MACROD2: variants seen among roughly 807,000 people sequenced by gnomAD.
MACROD2 encodes the protein mono-ADP ribosylhydrolase 2, also known as ADP-ribose glycohydrolase MACROD2.
Under a neutral mutation model 70.4 loss-of-function variants are expected in MACROD2, and 36 were observed. The observed-to-expected ratio is 0.51, with a 90% CI of 0.39 to 0.68. The LOEUF (loss-of-function observed/expected upper bound fraction) is 0.68. MACROD2 is among the 30% of genes least tolerant of loss of function. The pLI is 0.00. For missense variants in MACROD2, 496 were observed against 538.4 expected (o/e 0.92, Z 0.78); for synonymous variants, 172 against 178.8 (o/e 0.96, Z 0.30).
intron 5 of MACROD2, among the ~76,000 whole-genome samples, chr20:14,734,520 AAAAAAC>A (rs1044637674): frequency 1.5e-5 from 2 of 134,194 alleles, no homozygotes; most frequent in Admixed American, 8.1e-5. Flanking sequence ...AAAAAAACAA[AAAAAAC>A]AAAAACAAAA....
At chr20:15,371,105 T>C (rs1410681656) in intron 6 of MACROD2, among the ~76,000 whole-genome samples, 1 of 152,150 alleles carries the variant, frequency 6.6e-6, no homozygotes, top group Non-Finnish European at 1.5e-5. Context: ...TCAGTGCTTT[T>C]ATAATATTCA....
chr20:14,866,869 G>A (rs2073433512), intron 5 of MACROD2, among the ~76,000 whole-genome samples: 1 of 152,128 alleles, frequency 6.6e-6, no homozygotes, highest in Non-Finnish European at 1.5e-5. Context: ...AGGTTAAGGT[G>A]TTAATGCAAC....
At position 15,232,313 on chromosome 20, in the gene MACROD2, A is replaced by G. The variant is rs186817992; in HGVS notation, c.540+2252A>G. ...GATGGTAGACATGGTTGATATAAAA[A>G]GCCTGGTTATTAGGATGAAAAATAA... On this transcript the variant is annotated intron_variant, in intron 6 of 17. Transcript: ENST00000684519. 7.9e-5 allele frequency among the ~76,000 whole-genome samples: 12 copies of G among 152,214 alleles called. No individual in the cohort carries two copies. The East Asian group carries it at 2.3e-3, about 29-fold the overall frequency.
rs2076881501 is a variant in MACROD2 at position 15,223,794 on chromosome 20, T to C, written c.419-6146T>C. Among the ~76,000 whole-genome samples, 4 of 152,180 alleles carry C rather than the reference T, an allele frequency of 2.6e-5. No individual in the cohort carries two copies. The South Asian group carries it at 8.3e-4, about 32-fold the overall frequency. ...GATATGTTCAAAATTTTTTTACTGC[T>C]CTTCCCATCAAGAGGTGAGGTCTAG... is the stretch of plus-strand genomic sequence containing the variant. On this transcript the variant is annotated intron_variant, in intron 5 of 17. Transcript: ENST00000684519.
At chr20:15,949,951 C>T (rs1053977946) in intron 12 of MACROD2, among the ~76,000 whole-genome samples, 2 of 152,110 alleles carry the variant, frequency 1.3e-5, no homozygotes, top group Non-Finnish European at 2.9e-5. Flanking sequence ...ATCTCTGACT[C>T]ATATTTTTAA....
intron 8 of MACROD2, among the ~76,000 whole-genome samples, chr20:15,707,613 G>A (rs111989443): frequency 8.0e-4 from 122 of 152,110 alleles, no homozygotes; most frequent in African/African-American, 2.8e-3. Context: ...GGGAAACCCC[G>A]TCTCTACAAA....
chr20:15,213,896 T>G (rs186759980), intron 5 of MACROD2, among the ~76,000 whole-genome samples: 51 of 152,046 alleles, frequency 3.4e-4, no homozygotes, highest in African/African-American at 1.2e-3. Context: ...ATTTTCTGTT[T>G]TCTTTTTTTT....
chr20:14,875,734 G>A (rs1055662213), intron 5 of MACROD2, among the ~76,000 whole-genome samples: 4 of 152,164 alleles, frequency 2.6e-5, no homozygotes, highest in African/African-American at 9.6e-5. Flanking sequence ...GGAACATGCA[G>A]TATTTTGTTT....
At chr20:14,777,358 A>G (rs2072246830) in intron 5 of MACROD2, among the ~76,000 whole-genome samples, 1 of 151,980 alleles carries the variant, frequency 6.6e-6, no homozygotes, top group Non-Finnish European at 1.5e-5. Context: ...AGCTCTACTA[A>G]GGGCTGGTTC....
At chr20:14,853,163 G>C (rs1313328672) in intron 5 of MACROD2, among the ~76,000 whole-genome samples, 1 of 93,792 alleles carries the variant, frequency 1.1e-5, no homozygotes, top group Non-Finnish European at 2.6e-5. Flanking sequence ...AACAGTGTGT[G>C]TGTGTGTGTC....
chr20:16,043,333 AC>A (rs1377420852), intron 16 of MACROD2, among the ~76,000 whole-genome samples: 2 of 152,008 alleles, frequency 1.3e-5, no homozygotes, highest in African/African-American at 4.8e-5. Context: ...CCAAGTCCTG[AC>A]CATTCTGAGT....
At chr20:14,893,251 G>A (rs1372613013) in intron 5 of MACROD2, 1 of 152,138 alleles carries the variant, frequency 6.6e-6, no homozygotes, top group East Asian at 1.9e-4. Context: ...TAATGCTGTA[G>A]TGAACATGGA....
At chr20:15,781,396 G>A (rs2051828492) in intron 8 of MACROD2, among the ~76,000 whole-genome samples, 1 of 152,136 alleles carries the variant, frequency 6.6e-6, no homozygotes, top group African/African-American at 2.4e-5. Flanking sequence ...AAATGTCTGT[G>A]CTGTTATAAC....
At chr20:15,612,651 A>G (rs958487751) in intron 8 of MACROD2, among the ~76,000 whole-genome samples, 1 of 152,260 alleles carries the variant, frequency 6.6e-6, no homozygotes, top group African/African-American at 2.4e-5. Context: ...ATGGAATTAG[A>G]GTCACAGACG....
intron 7 of MACROD2, among the ~76,000 whole-genome samples, chr20:15,463,209 A>G (rs369299339): frequency 5.3e-5 from 8 of 152,190 alleles, no homozygotes; most frequent in African/African-American, 1.9e-4. Flanking sequence ...GTCAATGCCA[A>G]CAGGAGGAAT....
intron 3 of MACROD2, among the ~76,000 whole-genome samples, chr20:14,392,775 A>C (rs954396917): frequency 2.6e-5 from 4 of 152,076 alleles, no homozygotes; most frequent in African/African-American, 7.2e-5. Flanking sequence ...CTCCCAATGG[A>C]GTCCCACCTT....
At chr20:14,611,547 A>G (rs904519096) in intron 4 of MACROD2, among the ~76,000 whole-genome samples, 1 of 151,168 alleles carries the variant, frequency 6.6e-6, no homozygotes, top group Non-Finnish European at 1.5e-5. Flanking sequence ...CAAAACAAAG[A>G]TTTGATCTTC....
chr20:14,795,196 G>T (rs2072496433), intron 5 of MACROD2, among the ~76,000 whole-genome samples: 1 of 152,052 alleles, frequency 6.6e-6, no homozygotes. Flanking sequence ...AACCAAAATG[G>T]GAAACCATGG....
At chr20:15,460,901 G>A (rs2046798703) in intron 7 of MACROD2, among the ~76,000 whole-genome samples, 2 of 149,620 alleles carry the variant, frequency 1.3e-5, no homozygotes. Flanking sequence ...GGAGAAGTGA[G>A]GGTAGATGTG....
Sources: gnomAD v4.1 joint callset for allele counts (sites outside exome capture counted in the v4.1 genomes callset) on GRCh38, gnomAD v4.1.1 for gene constraint, MANE v1.5 for transcripts, NCBI Gene and HGNC (gene_info 2026-07-23, HGNC 2026-07-21) for gene names.